The following HMCN1 variants were observed in gnomAD, a reference collection of about 807,000 sequenced individuals.
The protein encoded by HMCN1 is hemicentin-1.
Under a neutral mutation model 625.9 loss-of-function variants are expected in HMCN1, and 321 were observed. The ratio of observed to expected loss-of-function variants is 0.51; its 90% CI spans 0.47 to 0.56. The LOEUF (loss-of-function observed/expected upper bound fraction) is 0.56, where lower values mean the gene tolerates loss of function less well. HMCN1 is among the 20% of genes least tolerant of loss of function. The probability of loss-of-function intolerance (pLI) is 0.00; values close to 1 mark genes in which losing one functional copy is unlikely to be tolerated. For synonymous variants in HMCN1, 2,425 were observed against 2,417.6 expected, an observed-to-expected ratio of 1.00 and a Z score of -0.09; for missense variants, 6,588 against 6,887.3, an observed-to-expected ratio of 0.96 and a Z score of 1.54.
chr1:186,128,012 T>C, intron 82 of HMCN1, 66 bp from the exon 83 acceptor site: 1 of 1,332,388 alleles, frequency 7.5e-7, no homozygotes, highest in Non-Finnish European at 1.1e-6. Context: ...GCTATGCAAT[T>C]TGATGTATTT....
At chr1:186,078,041 T>C in intron 54 of HMCN1, 66 bp from the exon 55 acceptor site, 2 of 1,203,654 alleles carry the variant, frequency 1.7e-6, no homozygotes, top group Non-Finnish European at 2.5e-6. Flanking sequence ...TGAAAATTTG[T>C]ATCTGTTTAT....
At chr1:185,786,814 TC>T (rs1657602670) in intron 1 of HMCN1, among the ~76,000 whole-genome samples, 1 of 152,164 alleles carries the variant, frequency 6.6e-6, no homozygotes, top group Non-Finnish European at 1.5e-5. Flanking sequence ...TGGTCTAATT[TC>T]CCATCTGTGG....
intron 4 of HMCN1, among the ~76,000 whole-genome samples, chr1:185,887,770 G>GTGTGCA (rs1324347910): frequency 1.5e-5 from 2 of 137,836 alleles, no homozygotes; most frequent in Non-Finnish European, 3.1e-5. Context: ...ATAAACATAC[G>GTGTGCA]TGTGCATGTG....
intron 9 of HMCN1, among the ~76,000 whole-genome samples, chr1:185,927,817 A>T (rs565617841): frequency 6.6e-6 from 1 of 152,310 alleles, no homozygotes; most frequent in South Asian, 2.1e-4. Context: ...ACTTTAAAAC[A>T]GGATAATGCC....
intron 40 of HMCN1, among the ~76,000 whole-genome samples, chr1:186,043,732 A>G (rs1386677249): frequency 6.6e-6 from 1 of 152,098 alleles, no homozygotes; most frequent in Non-Finnish European, 1.5e-5. Flanking sequence ...GGGCTTCCTG[A>G]GTGCTAGGAC....
At position 185,922,465 on chromosome 1, in the gene HMCN1, G is replaced by C. The variant is rs1667049060; in HGVS notation, c.987G>C (p.Leu329=). ...FRAGFSRKPT[L]DFKKTVSRPV... The stretch of plus-strand genomic sequence containing the variant: ...CTGGCTTTTCTCGAAAGCCCACCCT[G>C]GACTTCAAAAAAACAGTCAGCAGAC... The change falls in exon 7 of 107, where the codon CTG becomes CTC. Residue 329 remains leucine, a synonymous_variant. Transcript: ENST00000271588. The C allele has an allele frequency of 6.2e-7, 1 of 1,613,328 alleles. No individual in the cohort carries two copies. Among genetic ancestry groups the C allele is most frequent in the African/African-American group, 1.3e-5 (1 of 74,830 alleles).
At position 186,160,413 on chromosome 1, in the gene HMCN1, T is replaced by A. The variant is rs895617975; in HGVS notation, c.15257-4698T>A. 3.4e-5 allele frequency among the ~76,000 whole-genome samples: 5 copies of A among 147,752 alleles called. No individual in the cohort carries two copies. In the East Asian group the frequency reaches 1.0e-3, roughly 30 times the overall value. On this transcript the variant is annotated intron_variant, in intron 97 of 106. Coordinates refer to ENST00000271588, the MANE Select transcript of HMCN1 (RefSeq NM_031935.3). ...TTTTTTGAAGGGTTTTTTGTGTCTC[T>A]ATTTCCTTCAGTTCTGCTCTGATTT... is the stretch of plus-strand genomic sequence containing the variant.
intron 36 of HMCN1, among the ~76,000 whole-genome samples, chr1:186,024,601 A>G (rs1654939758): frequency 6.6e-6 from 1 of 152,138 alleles, no homozygotes; most frequent in African/African-American, 2.4e-5. Flanking sequence ...TCTATGCTAA[A>G]CATGATGTAT....
intron 30 of HMCN1, among the ~76,000 whole-genome samples, chr1:186,014,648 A>G (rs1046707710): frequency 6.6e-6 from 1 of 151,918 alleles, no homozygotes; most frequent in Admixed American, 6.6e-5. Flanking sequence ...GAGTGAATGG[A>G]GTCTTGGCAG....
At position 186,062,564 on chromosome 1, in the gene HMCN1, G is replaced by C. The variant is rs771719125; in HGVS notation, c.7477G>C (p.Glu2493Gln). 1.2e-5 allele frequency: 19 copies of C among 1,612,974 alleles called. No homozygotes were observed. Among genetic ancestry groups the C allele is most frequent in the Non-Finnish European group, 1.5e-5 (18 of 1,179,284 alleles). The change falls in exon 48 of 107, where the codon GAG becomes CAG. Residue 2493 changes from glutamate (E) to glutamine (Q), a missense_variant. Physicochemically the swap from Glu to Gln is conservative, Grantham distance 29. Coordinates refer to ENST00000271588, the MANE Select transcript of HMCN1 (RefSeq NM_031935.3). ...ENTLEDVKVK[E>Q]KQSVTLTCEV... is the part of the protein sequence containing the mutation. ...TACATTGGAAGATGTGAAGGTAAAA[G>C]AGAAACAGAGTGTTACGCTGACTTG...
chr1:185,839,230 T>A (rs1354956363), intron 1 of HMCN1, among the ~76,000 whole-genome samples: 1 of 152,212 alleles, frequency 6.6e-6, no homozygotes, highest in African/African-American at 2.4e-5. Flanking sequence ...CTAGATTTAT[T>A]TTGAAAAATA....
chr1:186,103,581 C>T lies in HMCN1; in HGVS notation c.10683C>T (p.Thr3561=), dbSNP rs762157977. 3 of 1,613,904 alleles carry T rather than the reference C, an allele frequency of 1.9e-6. No homozygotes were observed. The highest frequency in any genetic ancestry group is 1.3e-5 in the African/African-American group (1 of 75,022). Reference sequence around the variant, plus strand: ...CTGGAATCCCAGCCCCTAAAATGACCTGGATGAAAGATGGCCGGCCCCTTC... The same window carrying T: ...CTGGAATCCCAGCCCCTAAAATGACTTGGATGAAAGATGGCCGGCCCCTTC... ...IASGIPAPKM[T]WMKDGRPLPQ... is the part of the protein sequence containing the mutation. The change falls in exon 69 of 107, where the codon ACC becomes ACT. Residue 3561 remains threonine, a synonymous_variant. Transcript: ENST00000271588.
At chr1:186,104,583 C>T (rs1199698577) in intron 69 of HMCN1, among the ~76,000 whole-genome samples, 1 of 152,170 alleles carries the variant, frequency 6.6e-6, no homozygotes, top group Admixed American at 6.5e-5. Flanking sequence ...CTATCCCACC[C>T]ATTCCCCTCA....
In HMCN1 at chr1:186,057,287, G is replaced by A; in HGVS notation, c.7198G>A (p.Glu2400Lys). ...GTCACCTGAAAATATTAGTGTGGTA[G>A]AAAAGAACTCAGTATCTTTGACTTG... ...HRSPENISVV[E>K]KNSVSLTCEA... is the part of the protein sequence containing the mutation. Residue 2400 changes from glutamate to lysine, a missense_variant, in exon 46 of 107, where the codon GAA becomes AAA. Glu to Lys is a moderately conservative substitution (Grantham distance 56). This residue lies in a region of HMCN1 where 4,628 missense variants were observed against 4,853.1 expected (regional missense o/e 0.95). Coordinates refer to ENST00000271588, the MANE Select transcript of HMCN1 (RefSeq NM_031935.3). 6.2e-7 allele frequency: 1 copy of A among 1,611,062 alleles called. No homozygotes were observed. The highest frequency in any genetic ancestry group is 8.5e-7 in the Non-Finnish European group (1 of 1,177,754).
At chr1:186,096,485 G>A (rs2102426063) in intron 68 of HMCN1, among the ~76,000 whole-genome samples, 1 of 152,198 alleles carries the variant, frequency 6.6e-6, no homozygotes, top group Admixed American at 6.6e-5. Context: ...TTCTGTAGAG[G>A]GAAGCAGAAC....
chr1:185,895,557 A>G (rs1378560304), intron 4 of HMCN1, among the ~76,000 whole-genome samples: 1 of 152,242 alleles, frequency 6.6e-6, no homozygotes, highest in African/African-American at 2.4e-5. Context: ...ATAATAATTA[A>G]TTATGACTCA....
chr1:185,865,916 G>A, intron 4 of HMCN1, 53 bp downstream of exon 4: 5 of 1,581,768 alleles, frequency 3.2e-6, no homozygotes, highest in South Asian at 1.1e-5. Flanking sequence ...ATCAAAATCA[G>A]TTAGGCCAGC....
Position 186,151,741 on chromosome 1 carries a change from C to G in HMCN1, c.14894C>G (p.Thr4965Ser). The change falls in exon 95 of 107, where the codon ACT becomes AGT. Residue 4965 changes from threonine (T) to serine (S), a missense_variant and splice_region_variant. Transcript: ENST00000271588. ...FKRETQVEFA[T>S]GEILQMSHIA... ...AGAGAAACTCAAGTGGAATTTGCAA[C>G]TGGTTAGTGTCAGCTGAATTTAATA... 1 of 1,613,520 alleles carries G rather than the reference C, an allele frequency of 6.2e-7. No individual in the cohort carries two copies. The highest frequency in any genetic ancestry group is 8.5e-7 in the Non-Finnish European group (1 of 1,179,594).
At chr1:185,897,932 C>G (rs763808956) in intron 4 of HMCN1, among the ~76,000 whole-genome samples, 2 of 152,174 alleles carry the variant, frequency 1.3e-5, no homozygotes, top group Non-Finnish European at 2.9e-5. Context: ...AATTACCTAT[C>G]CACTCCACCC....
Sources: allele counts gnomAD v4.1 joint callset (sites outside exome capture counted in the v4.1 genomes callset), GRCh38; gene constraint gnomAD v4.1.1; regional missense constraint gnomAD v4.1.1; transcripts MANE v1.5; gene names NCBI Gene and HGNC (gene_info 2026-07-23, HGNC 2026-07-21).